Variants in MGAT5B observed in about 807,000 individuals in gnomAD.
MGAT5B encodes N-acetylglucosaminyl-transferase Vb.
Under a neutral mutation model 95.1 loss-of-function variants are expected in MGAT5B, and 54 were observed. That is an observed-to-expected ratio of 0.57 (90% confidence interval 0.46 to 0.71). The LOEUF is 0.71. MGAT5B is among the 30% of genes least tolerant of loss of function. MGAT5B has a pLI of 0.00. For missense variants in MGAT5B, 935 were observed against 1,088.6 expected (o/e 0.86, Z 1.99); for synonymous variants, 464 against 451.0 (o/e 1.03, Z -0.36).
rs1968756549 is a variant in MGAT5B, at chr17:76,912,075, C to T, written c.1025+5888C>T. Among the ~76,000 whole-genome samples the T allele has an allele frequency of 6.6e-6, 1 of 152,186 alleles. No homozygotes were observed. ...CCTGGTGGCCTCCCTGTGAGCGTGT[C>T]TGTGTCCAGATTTCCCCTCCCTATA... On this transcript the variant is annotated intron_variant, in intron 8 of 17. Transcript: ENST00000569840. This position sits in a 1 kb window ranked among gnomAD's most constrained non-coding sequence, Gnocchi z 5.0.
chr17:76,884,320 G>C (rs1412911314), intron 3 of MGAT5B, among the ~76,000 whole-genome samples: 1 of 152,192 alleles, frequency 6.6e-6, no homozygotes, highest in Non-Finnish European at 1.5e-5. Flanking sequence ...TTTGGGTTCA[G>C]GCTAACTGGC....
intron 3 of MGAT5B, among the ~76,000 whole-genome samples, chr17:76,888,150 A>T (rs1967731353): frequency 6.6e-6 from 1 of 151,862 alleles, no homozygotes. Flanking sequence ...TTATGTATTT[A>T]TTTTTTTGTT....
rs916115880 is a variant in MGAT5B at position 76,870,271 on chromosome 17, C to T, written c.68+1174C>T. ...GTCTGCTGGGCCGAGGAGGCAACCCCAGGGGACGGCAGGGGTCAGGCTGGA... is the reference window on the plus strand; with the variant it reads ...GTCTGCTGGGCCGAGGAGGCAACCCTAGGGGACGGCAGGGGTCAGGCTGGA... On this transcript the variant is annotated intron_variant, in intron 1 of 17. Coordinates refer to ENST00000569840, the MANE Select transcript of MGAT5B (RefSeq NM_001199172.2). The surrounding 1 kb of genome is among the most constrained non-coding windows in gnomAD (Gnocchi z 5.0). Among the ~76,000 whole-genome samples, 1 of 152,198 alleles carries T rather than the reference C, an allele frequency of 6.6e-6. No homozygotes were observed. Among genetic ancestry groups the T allele is most frequent in the Non-Finnish European group, 1.5e-5 (1 of 68,018 alleles).
intron 8 of MGAT5B, among the ~76,000 whole-genome samples, chr17:76,919,333 G>C (rs1053886308): frequency 1.3e-5 from 2 of 152,224 alleles, no homozygotes; most frequent in African/African-American, 4.8e-5. Flanking sequence ...GGTGGGGAAC[G>C]TGACAGCTGG....
At chr17:76,943,311 G>T (rs1049267831) in intron 15 of MGAT5B, among the ~76,000 whole-genome samples, 12 of 152,140 alleles carry the variant, frequency 7.9e-5, no homozygotes, top group African/African-American at 2.9e-4. Context: ...GCTGAGATTT[G>T]TGCTGGGCCC....
chr17:76,928,796 G>A (rs1350265644), intron 10 of MGAT5B, among the ~76,000 whole-genome samples: 4 of 152,272 alleles, frequency 2.6e-5, no homozygotes, highest in South Asian at 2.1e-4. Context: ...TCAGGGCACC[G>A]AGGAGTGGGG....
chr17:76,927,799 C>G (rs774592470), intron 10 of MGAT5B, among the ~76,000 whole-genome samples: 8 of 152,222 alleles, frequency 5.3e-5, no homozygotes, highest in Non-Finnish European at 7.3e-5. Context: ...ACATCTGCCT[C>G]CAGCAGCATC....
At chr17:76,872,556 T>TAA (rs1198133782) in intron 1 of MGAT5B, 7 of 1,069,716 alleles carry the variant, frequency 6.5e-6, no homozygotes, top group Non-Finnish European at 9.1e-6. Context: ...CTGCAGCTGT[T>TAA]AATGAACCAG....
chr17:76,889,551 C>T lies in MGAT5B; in HGVS notation c.329+7253C>T, dbSNP rs537113476. On this transcript the variant is annotated intron_variant, in intron 3 of 17. Coordinates refer to ENST00000569840, the MANE Select transcript of MGAT5B (RefSeq NM_001199172.2). This position sits in a 1 kb window ranked among gnomAD's most constrained non-coding sequence, Gnocchi z 4.4. ...GGTCAGGGGCCTCTTTCAGCCAGTG[C>T]CACCCCAGGGCAGCCGTCGGCCCCC... Among the ~76,000 whole-genome samples, 13 of 152,220 alleles carry T rather than the reference C, an allele frequency of 8.5e-5. No individual in the cohort carries two copies. Among genetic ancestry groups the T allele is most frequent in the Non-Finnish European group, 1.5e-4 (10 of 68,040 alleles).
intron 2 of MGAT5B, among the ~76,000 whole-genome samples, chr17:76,879,032 C>T (rs1206693633): frequency 1.3e-5 from 2 of 152,228 alleles, no homozygotes; most frequent in Non-Finnish European, 2.9e-5. Flanking sequence ...TGCCACCATG[C>T]TGCTGCTGCA....
rs765529899 is a variant in MGAT5B at position 76,912,499 on chromosome 17, G to A, written c.1025+6312G>A. On this transcript the variant is annotated intron_variant, in intron 8 of 17. Coordinates refer to ENST00000569840, the MANE Select transcript of MGAT5B (RefSeq NM_001199172.2). The surrounding 1 kb of genome is among the most constrained non-coding windows in gnomAD (Gnocchi z 5.0). ...TTGGCTGGCGAAATGACCTGCGTGG[G>A]AGGCGGTGGGACAAAGACGCGGCTT... 2.6e-5 allele frequency among the ~76,000 whole-genome samples: 4 copies of A among 152,218 alleles called. No individual in the cohort carries two copies. Among genetic ancestry groups the A allele is most frequent in the Admixed American group, 6.5e-5 (1 of 15,286 alleles).
In MGAT5B at chr17:76,912,033, A is replaced by G. The variant is rs1968755431; in HGVS notation, c.1025+5846A>G. Among the ~76,000 whole-genome samples, 1 of 152,046 alleles carries G rather than the reference A, an allele frequency of 6.6e-6. No individual in the cohort carries two copies. The highest frequency in any genetic ancestry group is 2.4e-5 in the African/African-American group (1 of 41,392). ...CCTTGTCCTGCAGCTACATCTCTACAATCATCTCTGCCTTTGCCTGGTGGC... is the reference window on the plus strand; with the variant it reads ...CCTTGTCCTGCAGCTACATCTCTACGATCATCTCTGCCTTTGCCTGGTGGC... On this transcript the variant is annotated intron_variant, in intron 8 of 17. Coordinates refer to ENST00000569840, the MANE Select transcript of MGAT5B (RefSeq NM_001199172.2). The surrounding 1 kb of genome is among the most constrained non-coding windows in gnomAD (Gnocchi z 5.0).
chr17:76,886,145 A>C lies in MGAT5B; in HGVS notation c.329+3847A>C, dbSNP rs1967621972. Among the ~76,000 whole-genome samples the C allele has an allele frequency of 3.9e-5, 6 of 152,190 alleles. No individual in the cohort carries two copies. In the South Asian group the frequency reaches 1.2e-3, roughly 32 times the overall value. On this transcript the variant is annotated intron_variant, in intron 3 of 17. Coordinates refer to ENST00000569840, the MANE Select transcript of MGAT5B (RefSeq NM_001199172.2). ...CAAGCCAAATAGTAATGATCTTTGA[A>C]TTTTCCATAAGGCCATAAAACCACC...
At chr17:76,903,965 C>T (rs1968420437) in intron 5 of MGAT5B, among the ~76,000 whole-genome samples, 1 of 152,362 alleles carries the variant, frequency 6.6e-6, no homozygotes, top group South Asian at 2.1e-4. Flanking sequence ...GAGAGGGAGA[C>T]AGCCAGGCCT....
rs1460156395 is a variant in MGAT5B, at chr17:76,938,119, T to G, written c.1560T>G (p.Phe520Leu). ...ACGGCCTCTTACCGCAGCCTGAGTT[T>G]CAGCAGCTGCTGCGCAAGGCCAAAG... Reference protein sequence around the residue: ...KNHGLLPQPEFQQLLRKAKLF... With the variant: ...KNHGLLPQPELQQLLRKAKLF... Residue 520 changes from phenylalanine (F) to leucine (L), a missense_variant, in exon 13 of 18, where the codon TTT (phenylalanine) becomes TTG (leucine). Around this residue, in one of 4 missense-constraint regions of MGAT5B, gnomAD observed 440 missense variants for 523.6 expected, o/e 0.84. Coordinates refer to ENST00000569840, the MANE Select transcript of MGAT5B (RefSeq NM_001199172.2). The surrounding 1 kb of genome is among the most constrained non-coding windows in gnomAD (Gnocchi z 4.3). 6.2e-7 allele frequency: 1 copy of G among 1,614,214 alleles called. No homozygotes were observed. Among genetic ancestry groups the G allele is most frequent in the South Asian group, 1.1e-5 (1 of 91,086 alleles).
Position 76,889,581 on chromosome 17 carries a change from G to T in MGAT5B, c.329+7283G>T, listed in dbSNP as rs1001211767. Among the ~76,000 whole-genome samples, 1 of 152,234 alleles carries T rather than the reference G, an allele frequency of 6.6e-6. No individual in the cohort carries two copies. The highest frequency in any genetic ancestry group is 2.4e-5 in the African/African-American group (1 of 41,458). ...CCAGGGCAGCCGTCGGCCCCCAGGG[G>T]CATGTTCTGGATTCCAACAGACTTT... On this transcript the variant is annotated intron_variant, in intron 3 of 17. Coordinates refer to ENST00000569840, the MANE Select transcript of MGAT5B (RefSeq NM_001199172.2). The surrounding 1 kb of genome is among the most constrained non-coding windows in gnomAD (Gnocchi z 4.4).
intron 10 of MGAT5B, among the ~76,000 whole-genome samples, chr17:76,931,300 T>C (rs1025249757): frequency 6.6e-6 from 1 of 152,222 alleles, no homozygotes; most frequent in Non-Finnish European, 1.5e-5. Flanking sequence ...TTTTGCCACG[T>C]TGGCCAGGCT....
rs571590262 is a variant in MGAT5B at position 76,925,943 on chromosome 17, G to A, written c.1158-654G>A. Among the ~76,000 whole-genome samples the A allele has an allele frequency of 7.9e-5, 12 of 152,278 alleles. No individual in the cohort carries two copies. In the East Asian group the frequency reaches 1.7e-3, roughly 22 times the overall value. On this transcript the variant is annotated intron_variant, in intron 9 of 17. Transcript: ENST00000569840. ...CGGAGTTCGTCTGGCCCTGTGGTTG[G>A]CTTATCTATAGGGACAAGACCCCTC...
At chr17:76,887,805 C>A (rs1967716976) in intron 3 of MGAT5B, among the ~76,000 whole-genome samples, 1 of 151,878 alleles carries the variant, frequency 6.6e-6, no homozygotes, top group African/African-American at 2.4e-5. Flanking sequence ...GATCTGCCCG[C>A]CTTGGCCTCC....
Sources: gnomAD v4.1 joint callset for allele counts (sites outside exome capture counted in the v4.1 genomes callset) on GRCh38, gnomAD v4.1.1 for gene constraint, gnomAD v4.1.1 regional missense constraint, Gnocchi (gnomAD v3.1) non-coding constraint, MANE v1.5 for transcripts, NCBI Gene and HGNC (gene_info 2026-07-23, HGNC 2026-07-21) for gene names.